Variants in KHDRBS2 observed in about 807,000 individuals in gnomAD.
The protein encoded by KHDRBS2 is KH domain-containing, RNA-binding, signal transduction-associated protein 2.
KHDRBS2 carries 26 observed loss-of-function variants against 44.3 expected under a neutral mutation model. The observed-to-expected ratio is 0.59, with a 90% CI of 0.43 to 0.81. The LOEUF (loss-of-function observed/expected upper bound fraction) is 0.81. KHDRBS2 is among the 40% of genes least tolerant of loss of function. The pLI, the probability that KHDRBS2 is intolerant of heterozygous loss-of-function variation, is 0.00. For missense variants in KHDRBS2, 476 were observed against 433.1 expected (o/e 1.10, Z -0.88); for synonymous variants, 194 against 151.1 (o/e 1.28, Z -2.08).
intron 3 of KHDRBS2, among the ~76,000 whole-genome samples, chr6:62,027,980 T>G (rs1783677814): frequency 6.6e-6 from 1 of 152,094 alleles, no homozygotes; most frequent in Admixed American, 6.6e-5. Flanking sequence ...AGTTTGTAGC[T>G]AAGTCAGTCA....
chr6:62,264,792 C>T (rs1205232744), intron 1 of KHDRBS2, among the ~76,000 whole-genome samples: 1 of 151,400 alleles, frequency 6.6e-6, no homozygotes, highest in East Asian at 1.9e-4. Flanking sequence ...TTTATTAGGC[C>T]TTTTTCCTAT....
intron 2 of KHDRBS2, among the ~76,000 whole-genome samples, chr6:62,108,181 T>C (rs1803981804): frequency 6.6e-6 from 1 of 152,016 alleles, no homozygotes; most frequent in Non-Finnish European, 1.5e-5. Flanking sequence ...GAGAAAATTT[T>C]CGCAACCTAC....
At chr6:61,968,522 T>C (rs1488913701) in intron 4 of KHDRBS2, among the ~76,000 whole-genome samples, 2 of 152,050 alleles carry the variant, frequency 1.3e-5, no homozygotes, top group East Asian at 3.9e-4. Context: ...TCTAAGAATG[T>C]GCAGGAAAAA....
chr6:61,724,493 G>A (rs1349863059), intron 7 of KHDRBS2, among the ~76,000 whole-genome samples: 1 of 152,064 alleles, frequency 6.6e-6, no homozygotes, highest in Non-Finnish European at 1.5e-5. Flanking sequence ...TGGACTCATT[G>A]CCCCAATTAA....
chr6:62,175,385 AC>A (rs1820883846), intron 2 of KHDRBS2, among the ~76,000 whole-genome samples: 1 of 151,636 alleles, frequency 6.6e-6, no homozygotes, highest in African/African-American at 2.4e-5. Context: ...ACATTCTTCC[AC>A]ACTTAACATG....
intron 6 of KHDRBS2, among the ~76,000 whole-genome samples, chr6:61,747,884 C>G (rs1010984322): frequency 6.6e-6 from 1 of 152,078 alleles, no homozygotes; most frequent in Non-Finnish European, 1.5e-5. Flanking sequence ...TTTAGCAGTG[C>G]TGGTTAACAG....
chr6:61,871,126 C>T (rs1167243135), intron 6 of KHDRBS2, among the ~76,000 whole-genome samples: 1 of 152,100 alleles, frequency 6.6e-6, no homozygotes, highest in Non-Finnish European at 1.5e-5. Flanking sequence ...GGCTAGATGA[C>T]TTGCTAACTA....
intron 2 of KHDRBS2, among the ~76,000 whole-genome samples, chr6:62,145,205 G>A (rs1487529848): frequency 2.6e-5 from 4 of 151,184 alleles, no homozygotes; most frequent in Non-Finnish European, 5.9e-5. Context: ...TATGTTTTCA[G>A]TTCTCAAAAT....
At chr6:61,828,805 T>C (rs1330188203) in intron 6 of KHDRBS2, among the ~76,000 whole-genome samples, 1 of 152,236 alleles carries the variant, frequency 6.6e-6, no homozygotes, top group Non-Finnish European at 1.5e-5. Flanking sequence ...TTTATTTATC[T>C]TTGTATATTT....
chr6:61,574,184 C>G, the KHDRBS2 span: 1 of 639,724 alleles, frequency 1.6e-6, no homozygotes, highest in Non-Finnish European at 2.8e-6. Flanking sequence ...CAAATCTTAC[C>G]CCGCCTGTTT....
chr6:61,844,966 G>T (rs1794164064), intron 6 of KHDRBS2, among the ~76,000 whole-genome samples: 1 of 152,008 alleles, frequency 6.6e-6, no homozygotes, highest in South Asian at 2.1e-4. Flanking sequence ...AATTGTATCT[G>T]CTTTATATTG....
At chr6:61,545,328 C>A in the KHDRBS2 span, among the ~76,000 whole-genome samples, 1 of 151,838 alleles carries the variant, frequency 6.6e-6, no homozygotes, top group Admixed American at 6.6e-5. Flanking sequence ...GGCCATCATC[C>A]CCAGTTGCTT....
chr6:61,692,460 A>C (rs1767475990), intron 8 of KHDRBS2, among the ~76,000 whole-genome samples: 2 of 152,044 alleles, frequency 1.3e-5, no homozygotes, highest in South Asian at 4.1e-4. Flanking sequence ...CATTATAATG[A>C]GCAAGATAGT....
At chr6:62,233,604 C>T (rs542593432) in intron 1 of KHDRBS2, among the ~76,000 whole-genome samples, 31 of 151,988 alleles carry the variant, frequency 2.0e-4, no homozygotes, top group African/African-American at 7.2e-4. Context: ...CAGCCTGGTA[C>T]GCATTGGTTG....
chr6:62,140,739 T>A (rs1812637474), intron 2 of KHDRBS2, among the ~76,000 whole-genome samples: 1 of 152,180 alleles, frequency 6.6e-6, no homozygotes, highest in Non-Finnish European at 1.5e-5. Context: ...TAACTCTGAG[T>A]AACACTGATA....
chr6:61,545,375 A>G, the KHDRBS2 span, among the ~76,000 whole-genome samples: 1 of 151,972 alleles, frequency 6.6e-6, no homozygotes, highest in Non-Finnish European at 1.5e-5. Flanking sequence ...TTCTTAATTT[A>G]AGCCTTGTTC....
At chr6:61,729,685 A>T (rs905621754) in intron 7 of KHDRBS2, among the ~76,000 whole-genome samples, 1 of 152,122 alleles carries the variant, frequency 6.6e-6, no homozygotes, top group East Asian at 1.9e-4. Context: ...CAATTTTCCT[A>T]ATGAATAATG....
At chr6:62,120,441 C>A (rs1018281329) in intron 2 of KHDRBS2, among the ~76,000 whole-genome samples, 1 of 152,120 alleles carries the variant, frequency 6.6e-6, no homozygotes, top group Non-Finnish European at 1.5e-5. Context: ...TACAGTGGAA[C>A]CACAGTCACT....
the KHDRBS2 span, among the ~76,000 whole-genome samples, chr6:61,643,410 G>C: frequency 1.3e-5 from 2 of 152,198 alleles, no homozygotes; most frequent in Admixed American, 1.3e-4. Flanking sequence ...ATAAGACAAG[G>C]ATGCACTCTC....
Sources: gnomAD v4.1 joint callset for allele counts (sites outside exome capture counted in the v4.1 genomes callset) on GRCh38, gnomAD v4.1.1 for gene constraint, MANE v1.5 for transcripts, NCBI Gene and HGNC (gene_info 2026-07-23, HGNC 2026-07-21) for gene names.